The following NWD2 variants were observed in gnomAD, a reference collection of about 807,000 sequenced individuals.
NWD2 encodes the protein NACHT and WD repeat domain-containing protein 2.
NWD2 carries 37 observed loss-of-function variants against 132.7 expected under a neutral mutation model. That is an observed-to-expected ratio of 0.28 (90% CI 0.21 to 0.37). NWD2 has a LOEUF of 0.37. Ranked by LOEUF, NWD2 falls within the 10% of genes least tolerant of loss-of-function variation. The pLI is 1.00. For synonymous variants in NWD2, 705 were observed against 803.0 expected (o/e 0.88, Z 2.06); for missense variants, 1,592 against 2,122.4 (o/e 0.75, Z 4.91).
intron 3 of NWD2, among the ~76,000 whole-genome samples, chr4:37,372,176 C>G (rs1720242336): frequency 6.6e-6 from 1 of 152,060 alleles, no homozygotes; most frequent in African/African-American, 2.4e-5. Flanking sequence ...TAAAACTAAA[C>G]ACACTTATTT....
At chr4:37,347,254 T>C (rs1311722376) in intron 2 of NWD2, among the ~76,000 whole-genome samples, 2 of 152,102 alleles carry the variant, frequency 1.3e-5, no homozygotes, top group African/African-American at 4.8e-5. Context: ...CTGGAGAAGG[T>C]CCTATGTGTG....
Position 37,446,482 on chromosome 4 carries a change from A to T in NWD2, c.4494A>T (p.Thr1498=), listed in dbSNP as rs1712638469. 2 of 1,551,738 alleles carry T rather than the reference A, an allele frequency of 1.3e-6. No homozygotes were observed. The highest frequency in any genetic ancestry group is 1.7e-6 in the Non-Finnish European group (2 of 1,147,010). Residue 1498 remains threonine (T), a synonymous_variant, in exon 7 of 7, where the codon ACA becomes ACT. Coordinates refer to ENST00000309447, the MANE Select transcript of NWD2 (RefSeq NM_001144990.2). The surrounding 1 kb of genome is among the most constrained non-coding windows in gnomAD (Gnocchi z 6.7). ...PDCPDIIVFI[T]SAETVNIWSL... is the part of the protein sequence containing the mutation. ...GTCCTGATATCATCGTGTTTATCAC[A>T]TCGGCCGAGACTGTGAACATCTGGA... is the stretch of plus-strand genomic sequence containing the variant.
chr4:37,423,104 T>A (rs1387610942), intron 3 of NWD2, among the ~76,000 whole-genome samples: 2 of 152,174 alleles, frequency 1.3e-5, no homozygotes, highest in African/African-American at 2.4e-5. Flanking sequence ...ATGTGCTAGA[T>A]ATATCTGCTA....
intron 2 of NWD2, among the ~76,000 whole-genome samples, chr4:37,330,336 T>C (rs750460276): frequency 1.3e-4 from 20 of 152,118 alleles, no homozygotes; most frequent in Non-Finnish European, 2.5e-4. Context: ...GGAAAAGACA[T>C]GGTATTTAAA....
chr4:37,338,621 C>T (rs1007823104), intron 2 of NWD2, among the ~76,000 whole-genome samples: 1 of 152,218 alleles, frequency 6.6e-6, no homozygotes, highest in African/African-American at 2.4e-5. Flanking sequence ...ACTTAACCAA[C>T]ACATCAAAAT....
chr4:37,324,156 A>G (rs1719124041), intron 1 of NWD2, among the ~76,000 whole-genome samples: 1 of 152,156 alleles, frequency 6.6e-6, no homozygotes, highest in South Asian at 2.1e-4. Flanking sequence ...GTCTAAAATA[A>G]GAGTTGAAAT....
chr4:37,261,300 G>A (rs906710118), intron 1 of NWD2, among the ~76,000 whole-genome samples: 2 of 152,106 alleles, frequency 1.3e-5, no homozygotes, highest in African/African-American at 4.8e-5. Flanking sequence ...AATAGAAGAG[G>A]GAAGGACATG....
chr4:37,244,934 C>T lies in NWD2; in HGVS notation c.-134C>T. The T allele has an allele frequency of 8.3e-7, 1 of 1,208,774 alleles. No individual in the cohort carries two copies. The highest frequency in any genetic ancestry group is 1.1e-6 in the Non-Finnish European group (1 of 895,500). The allele number at this position is 1,208,774 out of a possible 1,614,324, so 74.9% of individuals were successfully genotyped here. On this transcript the variant is annotated 5_prime_UTR_variant, in exon 1 of 7. Coordinates refer to ENST00000309447, the MANE Select transcript of NWD2 (RefSeq NM_001144990.2). The surrounding 1 kb of genome is among the most constrained non-coding windows in gnomAD (Gnocchi z 5.5). ...GCCACGGAGCTCGCCAAAGGCGCTT[C>T]GGGCTCGGAGCGGCTCTGAGCCGCG...
chr4:37,326,028 A>G lies in NWD2; in HGVS notation c.240+4A>G. On this transcript the variant is annotated splice_donor_region_variant and intron_variant, in intron 2 of 6. Coordinates refer to ENST00000309447, the MANE Select transcript of NWD2 (RefSeq NM_001144990.2). ...AAACTATGGATTGGAATTTCAGGTA[A>G]TTCTAGTGTTAATTTCATTCACAGT... 1 of 1,492,970 alleles carries G rather than the reference A, an allele frequency of 6.7e-7. No homozygotes were observed. The highest frequency in any genetic ancestry group is 9.1e-7 in the Non-Finnish European group (1 of 1,094,438). 92.5% of individuals were successfully genotyped at this position (1,492,970 alleles called of 1,614,324 possible).
intron 3 of NWD2, among the ~76,000 whole-genome samples, chr4:37,383,921 T>C (rs1239236307): frequency 1.3e-5 from 2 of 152,176 alleles, no homozygotes; most frequent in African/African-American, 4.8e-5. Flanking sequence ...AGATTAAAGA[T>C]CTCTCCACTT....
chr4:37,369,432 T>C (rs1332716519), intron 3 of NWD2, among the ~76,000 whole-genome samples: 1 of 152,192 alleles, frequency 6.6e-6, no homozygotes, highest in African/African-American at 2.4e-5. Context: ...CCTGTCTCTA[T>C]GTCCATGGAT....
At position 37,348,731 on chromosome 4, in the gene NWD2, C is replaced by A. The variant is rs374160704; in HGVS notation, c.241-7635C>A. Among the ~76,000 whole-genome samples, 15 of 134,000 alleles carry A rather than the reference C, an allele frequency of 1.1e-4. No homozygotes were observed. In the South Asian group the frequency reaches 3.0e-3, roughly 27 times the overall value. 87.9% of individuals were successfully genotyped at this position (134,000 alleles called of 152,430 possible). A position where few individuals can be genotyped will look rare whatever the true frequency, so the allele number is the denominator to read the frequency against. On this transcript the variant is annotated intron_variant, in intron 2 of 6. Transcript: ENST00000309447. Reference sequence around the variant, plus strand: ...TAAGTTCTGAGATACATGTGCAGAACATGCAGGTTTGTTACATAGGTATAC... The same window carrying A: ...TAAGTTCTGAGATACATGTGCAGAAAATGCAGGTTTGTTACATAGGTATAC...
chr4:37,312,636 A>G (rs1263356239), intron 1 of NWD2, among the ~76,000 whole-genome samples: 2 of 150,732 alleles, frequency 1.3e-5, no homozygotes, highest in Non-Finnish European at 2.9e-5. Flanking sequence ...TCTTCTGCCT[A>G]ATTGCCCTGG....
At chr4:37,360,018 G>A (rs1039961668) in intron 3 of NWD2, among the ~76,000 whole-genome samples, 4 of 152,188 alleles carry the variant, frequency 2.6e-5, no homozygotes, top group African/African-American at 7.2e-5. Flanking sequence ...GGCAAGTACA[G>A]TGGGAAGAGC....
chr4:37,319,114 C>G (rs947155376), intron 1 of NWD2, among the ~76,000 whole-genome samples: 1 of 152,148 alleles, frequency 6.6e-6, no homozygotes, highest in Non-Finnish European at 1.5e-5. Context: ...TAAGCATTCT[C>G]TTTTCACTGC....
intron 3 of NWD2, among the ~76,000 whole-genome samples, chr4:37,423,232 A>C (rs970703743): frequency 1.3e-5 from 2 of 152,208 alleles, no homozygotes; most frequent in African/African-American, 2.4e-5. Flanking sequence ...CCTTTCTTAA[A>C]GACCTTATCT....
rs903835322 is a variant in NWD2 at position 37,439,543 on chromosome 4, T to C, written c.1296+153T>C. On this transcript the variant is annotated intron_variant, in intron 6 of 6. Transcript: ENST00000309447. The surrounding 1 kb of genome is among the most constrained non-coding windows in gnomAD (Gnocchi z 4.5). ...TACTGCAGTGCTTCTTTTTTGCTGGTATAACAGTTATATTGAGAGAGCAAA... is the reference window on the plus strand; with the variant it reads ...TACTGCAGTGCTTCTTTTTTGCTGGCATAACAGTTATATTGAGAGAGCAAA... Among the ~76,000 whole-genome samples the C allele has an allele frequency of 2.0e-4, 30 of 152,230 alleles. No homozygotes were observed. The highest frequency in any genetic ancestry group is 7.3e-5 in the Non-Finnish European group (5 of 68,036).
At chr4:37,306,759 A>G (rs1298465065) in intron 1 of NWD2, among the ~76,000 whole-genome samples, 2 of 152,182 alleles carry the variant, frequency 1.3e-5, no homozygotes, top group East Asian at 3.9e-4. Flanking sequence ...GTGGTGGCTG[A>G]TGCCTGTAAT....
At chr4:37,248,667 T>C (rs1469807) in intron 1 of NWD2, among the ~76,000 whole-genome samples, 122,413 of 152,226 alleles carry the variant, frequency 0.8, 49,797 homozygotes, top group East Asian at 0.99. Context: ...GCCTAAATAG[T>C]CCATGCATAT....
Sources: gnomAD v4.1 joint callset for allele counts (sites outside exome capture counted in the v4.1 genomes callset) on GRCh38, gnomAD v4.1.1 for gene constraint, Gnocchi (gnomAD v3.1) non-coding constraint, MANE v1.5 for transcripts, NCBI Gene and HGNC (gene_info 2026-07-23, HGNC 2026-07-21) for gene names.